DOCK4: variants seen among roughly 807,000 people sequenced by gnomAD.
The protein encoded by DOCK4 is dedicator of cytokinesis 4, also known as dedicator of cytokinesis protein 4.
Under a neutral mutation model 268.1 loss-of-function variants are expected in DOCK4, and 97 were observed. The ratio of observed to expected loss-of-function variants is 0.36; its 90% CI spans 0.31 to 0.43. The LOEUF is 0.43. Among genes scored for constraint, DOCK4 ranks in the 20% least tolerant of loss-of-function variants. DOCK4 has a pLI of 1.00. For synonymous variants in DOCK4, 954 were observed against 887.2 expected (o/e 1.08, Z -1.34); for missense variants, 2,145 against 2,455.7 (o/e 0.87, Z 2.67).
chr7:111,791,991 T>C (rs576611258), intron 30 of DOCK4, among the ~76,000 whole-genome samples: 2 of 152,334 alleles, frequency 1.3e-5, no homozygotes, highest in African/African-American at 4.8e-5. Flanking sequence ...GAACCCACAA[T>C]GGTGTTTTAC....
At chr7:112,112,250 C>G (rs1811726990) in intron 1 of DOCK4, among the ~76,000 whole-genome samples, 1 of 152,138 alleles carries the variant, frequency 6.6e-6, no homozygotes, top group African/African-American at 2.4e-5. Flanking sequence ...ATCAAAGGAA[C>G]ATAGCATCTC....
intron 17 of DOCK4, among the ~76,000 whole-genome samples, chr7:111,875,335 T>C (rs963623605): frequency 1.3e-5 from 2 of 152,240 alleles, no homozygotes; most frequent in African/African-American, 4.8e-5. Flanking sequence ...TCAGGATTTG[T>C]TTCTGTCTTA....
chr7:112,121,225 C>G (rs1812696937), intron 1 of DOCK4, among the ~76,000 whole-genome samples: 1 of 152,158 alleles, frequency 6.6e-6, no homozygotes, highest in African/African-American at 2.4e-5. Context: ...TCTCATGCCC[C>G]CTTCCCGTCT....
intron 27 of DOCK4, among the ~76,000 whole-genome samples, chr7:111,813,647 A>T (rs1398782231): frequency 2.0e-5 from 3 of 152,182 alleles, no homozygotes; most frequent in African/African-American, 7.2e-5. Context: ...TGAGATCGAG[A>T]AGTCTTGTGG....
intron 1 of DOCK4, among the ~76,000 whole-genome samples, chr7:112,093,297 C>T (rs1422077102): frequency 6.6e-6 from 1 of 152,108 alleles, no homozygotes; most frequent in African/African-American, 2.4e-5. Flanking sequence ...AATCTCTGTT[C>T]CTGTTAACAC....
At chr7:111,810,724 C>T (rs60094153) in intron 28 of DOCK4, among the ~76,000 whole-genome samples, 10,560 of 152,074 alleles carry the variant, frequency 0.069, 1,238 homozygotes, top group African/African-American at 0.24. Flanking sequence ...GGGCCAGGCG[C>T]GGTGACTCAT....
chr7:112,136,981 G>C (rs1202850729), intron 1 of DOCK4, among the ~76,000 whole-genome samples: 1 of 152,162 alleles, frequency 6.6e-6, no homozygotes, highest in African/African-American at 2.4e-5. Flanking sequence ...AAAAGGCAGA[G>C]TGCCTCCAAT....
intron 1 of DOCK4, among the ~76,000 whole-genome samples, chr7:112,191,810 G>A (rs1819976427): frequency 1.3e-5 from 2 of 151,778 alleles, no homozygotes; most frequent in Non-Finnish European, 1.5e-5. Context: ...ATGTGCACAG[G>A]GCCAATCACA....
chr7:112,060,751 A>G (rs1000445890), intron 1 of DOCK4, among the ~76,000 whole-genome samples: 1 of 152,202 alleles, frequency 6.6e-6, no homozygotes, highest in African/African-American at 2.4e-5. Context: ...TTCCACTCAC[A>G]TGTGGTAATC....
At chr7:112,077,599 T>C (rs1046930708) in intron 1 of DOCK4, among the ~76,000 whole-genome samples, 1 of 152,146 alleles carries the variant, frequency 6.6e-6, no homozygotes, top group Non-Finnish European at 1.5e-5. Context: ...TCATGCATTA[T>C]AAAATCATGT....
chr7:111,933,279 C>CGTATATATAT (rs1210971817), intron 12 of DOCK4, among the ~76,000 whole-genome samples: 2 of 91,224 alleles, frequency 2.2e-5, no homozygotes, highest in African/African-American at 1.0e-4. Flanking sequence ...TACATATATA[C>CGTATATATAT]ATATATATAT....
chr7:111,816,751 T>C (rs1269474279), intron 27 of DOCK4, among the ~76,000 whole-genome samples: 1 of 152,236 alleles, frequency 6.6e-6, no homozygotes, highest in Non-Finnish European at 1.5e-5. Context: ...CTATGCTTTG[T>C]TATACTTGTT....
At chr7:111,832,915 A>T (rs1213186222) in intron 26 of DOCK4, among the ~76,000 whole-genome samples, 1 of 152,220 alleles carries the variant, frequency 6.6e-6, no homozygotes, top group Non-Finnish European at 1.5e-5. Context: ...CATTTTATTC[A>T]TTATTTCCAT....
chr7:111,901,408 G>A (rs1367711223), intron 14 of DOCK4, among the ~76,000 whole-genome samples: 1 of 149,020 alleles, frequency 6.7e-6, no homozygotes, highest in East Asian at 2.0e-4. Context: ...AATGAATTAA[G>A]CAAACTGTAA....
intron 8 of DOCK4, among the ~76,000 whole-genome samples, chr7:111,959,738 A>G (rs142488472): frequency 7.9e-5 from 12 of 152,340 alleles, no homozygotes; most frequent in Non-Finnish European, 1.3e-4. Context: ...AAAGGCTATT[A>G]GATTGTATCA....
chr7:112,128,676 C>T (rs917877700), intron 1 of DOCK4, among the ~76,000 whole-genome samples: 2 of 152,178 alleles, frequency 1.3e-5, no homozygotes, highest in African/African-American at 2.4e-5. Context: ...GGATTAAGGG[C>T]GGTGCAAGAT....
intron 8 of DOCK4, among the ~76,000 whole-genome samples, chr7:111,970,066 A>G (rs1797585214): frequency 6.6e-6 from 1 of 152,118 alleles, no homozygotes; most frequent in Admixed American, 6.5e-5. Context: ...TCATTACTGG[A>G]TCTTTCCTGT....
intron 41 of DOCK4, among the ~76,000 whole-genome samples, chr7:111,757,356 G>A (rs1585891194): frequency 6.6e-6 from 1 of 152,126 alleles, no homozygotes; most frequent in Non-Finnish European, 1.5e-5. Flanking sequence ...TCTAGGACTG[G>A]AGCTACCGGT....
At chr7:111,855,366 C>G (rs1389657120) in intron 23 of DOCK4, among the ~76,000 whole-genome samples, 1 of 152,046 alleles carries the variant, frequency 6.6e-6, no homozygotes, top group East Asian at 1.9e-4. Flanking sequence ...CGTGAGGTTT[C>G]TTGGCCACAG....
Sources: gnomAD v4.1 joint callset for allele counts (sites outside exome capture counted in the v4.1 genomes callset) on GRCh38, gnomAD v4.1.1 for gene constraint, MANE v1.5 for transcripts, NCBI Gene and HGNC (gene_info 2026-07-23, HGNC 2026-07-21) for gene names.